RILPL2: variants seen among roughly 807,000 people sequenced by gnomAD.
RILPL2 encodes Rab interacting lysosomal protein like 2.
RILPL2 carries 19 observed loss-of-function variants against 22.2 expected under a neutral mutation model. The ratio of observed to expected loss-of-function variants is 0.86; its 90% CI spans 0.60 to 1.25. The LOEUF is 1.25. Ranked by LOEUF, RILPL2 falls within the 50% of genes most tolerant of loss-of-function variation. The pLI is 0.00. For missense variants in RILPL2, 243 were observed against 263.6 expected (o/e 0.92, Z 0.54); for synonymous variants, 123 against 111.6 (o/e 1.10, Z -0.64).
intron 3 of RILPL2, among the ~76,000 whole-genome samples, chr12:123,418,438 C>T (rs1451586024): frequency 6.6e-6 from 1 of 152,186 alleles, no homozygotes; most frequent in African/African-American, 2.4e-5. Context: ...ATATAGCTAT[C>T]TGAAATTGTC....
intron 2 of RILPL2, among the ~76,000 whole-genome samples, chr12:123,427,666 T>C (rs28659953): frequency 0.43 from 65,447 of 151,704 alleles, 14,809 homozygotes; most frequent in East Asian, 0.74. Context: ...CTCAGCCTCC[T>C]GAACAGCTGG....
intron 3 of RILPL2, among the ~76,000 whole-genome samples, chr12:123,421,340 CT>C (rs1189403637): frequency 6.6e-6 from 1 of 152,130 alleles, no homozygotes; most frequent in Admixed American, 6.6e-5. Flanking sequence ...TCTGGCTTAG[CT>C]ATGGCGAATC....
the RILPL2 span, among the ~76,000 whole-genome samples, chr12:123,409,921 T>C: frequency 2.0e-5 from 3 of 152,022 alleles, no homozygotes; most frequent in South Asian, 2.1e-4. Flanking sequence ...AGACGGTCTT[T>C]CACCATGTTG....
intron 2 of RILPL2, among the ~76,000 whole-genome samples, chr12:123,428,358 G>C (rs544811843): frequency 6.6e-6 from 1 of 151,960 alleles, no homozygotes; most frequent in Non-Finnish European, 1.5e-5. Context: ...GGCTGGTCTC[G>C]ATCTCCTGAC....
rs1021518870 is a variant in RILPL2, at chr12:123,416,017, T to C, written c.606-96A>G. On this transcript the variant is annotated intron_variant, in intron 3 of 3. Transcript: ENST00000280571. ...AATTTCTAAGTAGCTCTTGCAGCTG[T>C]TGACTCAAAAATATGTCCAGGCCAG... 1.0e-5 allele frequency: 13 copies of C among 1,249,208 alleles called. No homozygotes were observed. In the African/African-American group the frequency reaches 1.8e-4, roughly 17 times the overall value. The allele number at this position is 1,249,208 out of a possible 1,614,324, so 77.4% of individuals were successfully genotyped here.
chr12:123,430,059 T>C (rs935552775), intron 2 of RILPL2, among the ~76,000 whole-genome samples: 1 of 124,246 alleles, frequency 8.0e-6, no homozygotes, highest in Non-Finnish European at 1.6e-5. Flanking sequence ...GAGGTTGCAG[T>C]GAGCCAAGAT....
intron 3 of RILPL2, among the ~76,000 whole-genome samples, chr12:123,417,020 T>C (rs773578496): frequency 6.6e-6 from 1 of 152,082 alleles, no homozygotes; most frequent in Non-Finnish European, 1.5e-5. Flanking sequence ...TCCATTAGGC[T>C]GGGTGCAGTG....
Position 123,430,387 on chromosome 12 carries a change from C to T in RILPL2, c.491+121G>A, listed in dbSNP as rs192462800. Reference sequence around the variant, plus strand: ...TCGCGCCACTGCACTCCAGCCTGGGCGACAGAGCGAGACTCTGTCTCAAAA... The same window carrying T: ...TCGCGCCACTGCACTCCAGCCTGGGTGACAGAGCGAGACTCTGTCTCAAAA... On this transcript the variant is annotated intron_variant, in intron 2 of 3. Coordinates refer to ENST00000280571, the MANE Select transcript of RILPL2 (RefSeq NM_145058.3). The T allele has an allele frequency of 2.6e-4, 250 of 959,406 alleles. 2 individuals are homozygous for T. The highest frequency in any genetic ancestry group is 1.8e-4 in the South Asian group (9 of 50,696). The allele number at this position is 959,406 out of a possible 1,614,324, so 59.4% of individuals were successfully genotyped here. A position where few individuals can be genotyped will look rare whatever the true frequency, so the allele number is the denominator to read the frequency against.
At position 123,415,697 on chromosome 12, in the gene RILPL2, AG is replaced by A; in HGVS notation, c.*193del. The A allele has an allele frequency of 7.2e-6, 5 of 695,432 alleles. No homozygotes were observed. The highest frequency in any genetic ancestry group is 1.3e-5 in the Non-Finnish European group (5 of 385,356). 43.1% of individuals were successfully genotyped at this position (695,432 alleles called of 1,614,324 possible). A position where few individuals can be genotyped will look rare whatever the true frequency, so the allele number is the denominator to read the frequency against. On this transcript the variant is annotated 3_prime_UTR_variant, in exon 4 of 4. Transcript: ENST00000280571. ...CTCACTGGCCCAGGCCAAATCTTCA[AG>A]GGTGTCTAGTTCTGCAGCCAGGGAG...
At chr12:123,413,175 G>T, downstream of RILPL2, 1 of 157,904 alleles carries the variant, frequency 6.3e-6, no homozygotes. Flanking sequence ...CAGCCTGGGC[G>T]ATAGAGCAAG....
At chr12:123,434,585 G>C (rs938189750) in intron 1 of RILPL2, among the ~76,000 whole-genome samples, 1 of 151,728 alleles carries the variant, frequency 6.6e-6, no homozygotes, top group Non-Finnish European at 1.5e-5. Flanking sequence ...CACCACGCCC[G>C]GCTAATTTTT....
chr12:123,415,946 A>G (rs1049317859), intron 3 of RILPL2, 25 bp from the exon 4 acceptor site: 8 of 1,613,798 alleles, frequency 5.0e-6, no homozygotes, highest in Non-Finnish European at 6.8e-6. Context: ...GAGAGGGTTC[A>G]GGGTAAGCAG....
At chr12:123,419,802 TA>T (rs1490019189) in intron 3 of RILPL2, among the ~76,000 whole-genome samples, 14 of 151,562 alleles carry the variant, frequency 9.2e-5, no homozygotes, top group South Asian at 2.1e-4. Flanking sequence ...TTTATCTATT[TA>T]TTTTTTTTCA....
Position 123,415,637 on chromosome 12 carries a change from C to A in RILPL2, c.*254G>T. On this transcript the variant is annotated 3_prime_UTR_variant, in exon 4 of 4. Coordinates refer to ENST00000280571, the MANE Select transcript of RILPL2 (RefSeq NM_145058.3). ...TGGGAGCAGGAAGTGGACCCCCCCACCCTGCACATCCCTTCTGTTTTTCTT... is the reference window on the plus strand; with the variant it reads ...TGGGAGCAGGAAGTGGACCCCCCCAACCTGCACATCCCTTCTGTTTTTCTT... 1.7e-6 allele frequency: 1 copy of A among 581,172 alleles called. No individual in the cohort carries two copies. Among genetic ancestry groups the A allele is most frequent in the East Asian group, 2.9e-5 (1 of 34,948 alleles). 36.0% of individuals were successfully genotyped at this position (581,172 alleles called of 1,614,324 possible). A position where few individuals can be genotyped will look rare whatever the true frequency, so the allele number is the denominator to read the frequency against.
In RILPL2 at chr12:123,430,204, T is replaced by A. The variant is rs1329085349; in HGVS notation, c.491+304A>T. ...GTGGGCAGATCAGGAGGTCAGGAGA[T>A]CGAGACCATTCTGCCTAACACGGTG... is the stretch of plus-strand genomic sequence containing the variant. On this transcript the variant is annotated intron_variant, in intron 2 of 3. Transcript: ENST00000280571. Among the ~76,000 whole-genome samples, 20 of 139,952 alleles carry A rather than the reference T, an allele frequency of 1.4e-4. No individual in the cohort carries two copies. The Middle Eastern group carries it at 0.017, about 122-fold the overall frequency. 91.8% of individuals were successfully genotyped at this position (139,952 alleles called of 152,430 possible).
At chr12:123,433,467 T>C (rs942805668) in intron 1 of RILPL2, among the ~76,000 whole-genome samples, 5 of 151,986 alleles carry the variant, frequency 3.3e-5, no homozygotes, top group Admixed American at 6.6e-5. Flanking sequence ...CCAGCTGGAG[T>C]GCAGTGGCAC....
intron 1 of RILPL2, among the ~76,000 whole-genome samples, chr12:123,430,989 G>A (rs1354122908): frequency 7.2e-5 from 11 of 152,080 alleles, no homozygotes; most frequent in South Asian, 2.1e-4. Context: ...GTGAGCCACC[G>A]CGCCCGGCCT....
chr12:123,432,601 G>A (rs1292931098), intron 1 of RILPL2, among the ~76,000 whole-genome samples: 2 of 152,172 alleles, frequency 1.3e-5, no homozygotes, highest in East Asian at 1.9e-4. Context: ...CCCTATCCCT[G>A]TTCTTAAGGC....
intron 1 of RILPL2, among the ~76,000 whole-genome samples, chr12:123,433,984 T>C (rs116384103): frequency 0.012 from 1,816 of 152,318 alleles, 37 homozygotes; most frequent in African/African-American, 0.04. Context: ...TTAACTGTTC[T>C]GTGCCTCAGT....
Sources: allele counts gnomAD v4.1 joint callset (sites outside exome capture counted in the v4.1 genomes callset), GRCh38; gene constraint gnomAD v4.1.1; transcripts MANE v1.5; gene names NCBI Gene and HGNC (gene_info 2026-07-23, HGNC 2026-07-21).